Variants in RAD52 observed in about 807,000 individuals in gnomAD.
RAD52 encodes the protein RAD52 DNA repair protein.
RAD52 carries 47 observed loss-of-function variants against 55.5 expected under a neutral mutation model. The observed-to-expected ratio is 0.85, with a 90% CI of 0.67 to 1.08. The LOEUF (loss-of-function observed/expected upper bound fraction) is 1.08, where lower values mean the gene tolerates loss of function less well. RAD52 is among the 50% of genes least tolerant of loss of function. The pLI is 0.00. For synonymous variants in RAD52, 184 were observed against 198.9 expected (o/e 0.92, Z 0.63); for missense variants, 468 against 522.8 (o/e 0.90, Z 1.02).
At chr12:916,605 C>G (rs2154108769) in intron 8 of RAD52, 34 bp downstream of exon 8, 2 of 1,600,554 alleles carry the variant, frequency 1.2e-6, no homozygotes, top group Non-Finnish European at 1.7e-6. Context: ...ACAGGAGGGG[C>G]CGCAGAGGAA....
At chr12:982,398 T>A (rs1959029192) in intron 1 of RAD52, among the ~76,000 whole-genome samples, 2 of 152,228 alleles carry the variant, frequency 1.3e-5, no homozygotes, top group Admixed American at 6.5e-5. Flanking sequence ...TCCCACATTT[T>A]ACTAAAGCAA....
intron 7 of RAD52, among the ~76,000 whole-genome samples, chr12:923,759 AATTT>A (rs1404954796): frequency 6.6e-6 from 1 of 152,064 alleles, no homozygotes; most frequent in Non-Finnish European, 1.5e-5. Flanking sequence ...GTTTTACTAC[AATTT>A]AAAAAAAGAA....
At chr12:981,771 T>TAAAATAAAATAAAATA (rs148282544) in intron 1 of RAD52, among the ~76,000 whole-genome samples, 39 of 139,698 alleles carry the variant, frequency 2.8e-4, no homozygotes, top group Admixed American at 5.8e-4. Context: ...AATAAATAAA[T>TAAAATAAAATAAAATA]AAATAAAATA....
intron 1 of RAD52, among the ~76,000 whole-genome samples, chr12:965,117 G>T (rs1958740846): frequency 6.6e-6 from 1 of 151,716 alleles, no homozygotes; most frequent in Non-Finnish European, 1.5e-5. Context: ...GTAGCTAGGA[G>T]TACAGGTGCG....
At chr12:971,661 T>C (rs1958854670) in intron 1 of RAD52, among the ~76,000 whole-genome samples, 1 of 152,210 alleles carries the variant, frequency 6.6e-6, no homozygotes, top group Non-Finnish European at 1.5e-5. Context: ...TCTATAAAAT[T>C]TGTGAAAAAG....
At chr12:938,115 C>A (rs569959028) in intron 1 of RAD52, among the ~76,000 whole-genome samples, 1 of 152,160 alleles carries the variant, frequency 6.6e-6, no homozygotes, top group African/African-American at 2.4e-5. Flanking sequence ...AAAAGGAGGG[C>A]GGCAAAAGAT....
At chr12:965,834 GCA>G (rs1481462007) in intron 1 of RAD52, among the ~76,000 whole-genome samples, 3 of 151,840 alleles carry the variant, frequency 2.0e-5, no homozygotes, top group Admixed American at 1.3e-4. Flanking sequence ...TTACACATAT[GCA>G]CCACCACACC....
At chr12:943,253 A>G (rs2154118027) in intron 1 of RAD52, among the ~76,000 whole-genome samples, 1 of 152,320 alleles carries the variant, frequency 6.6e-6, no homozygotes, top group South Asian at 2.1e-4. Context: ...CTGTTAATGC[A>G]CACTACTCTT....
chr12:948,150 G>A (rs1203065173), intron 1 of RAD52, among the ~76,000 whole-genome samples: 2 of 151,992 alleles, frequency 1.3e-5, no homozygotes. Context: ...GTTGATACAT[G>A]CTACATACAA....
At chr12:935,579 C>T (rs540092729) in intron 1 of RAD52, among the ~76,000 whole-genome samples, 33 of 151,408 alleles carry the variant, frequency 2.2e-4, no homozygotes, top group African/African-American at 7.5e-4. Flanking sequence ...CAGGGCCGGG[C>T]GTGGTGGCTC....
At chr12:950,331 G>A (rs1958492965), upstream of RAD52, among the ~76,000 whole-genome samples, 1 of 152,146 alleles carries the variant, frequency 6.6e-6, no homozygotes, top group Non-Finnish European at 1.5e-5. Context: ...CACCACTTTG[G>A]GACGCCGAGG....
chr12:946,169 G>C (rs1958218348), intron 1 of RAD52, among the ~76,000 whole-genome samples: 1 of 152,140 alleles, frequency 6.6e-6, no homozygotes, highest in African/African-American at 2.4e-5. Context: ...TCCCCACTCA[G>C]CACATAGTAT....
intron 6 of RAD52, among the ~76,000 whole-genome samples, chr12:926,470 C>T (rs1009926945): frequency 1.3e-5 from 2 of 152,016 alleles, no homozygotes; most frequent in East Asian, 3.8e-4. Context: ...CACCACTGCA[C>T]CCCAGCCTGT....
intron 1 of RAD52, among the ~76,000 whole-genome samples, chr12:977,323 A>C (rs908719293): frequency 2.6e-4 from 39 of 152,288 alleles, no homozygotes; most frequent in Middle Eastern, 3.4e-3. Context: ...TACTGAAGTT[A>C]CGTGCATGCT....
rs1393260212 is a variant in RAD52, at chr12:928,269, T to G, written c.349-1006A>C. On this transcript the variant is annotated intron_variant, in intron 5 of 11. Coordinates refer to ENST00000358495, the MANE Select transcript of RAD52 (RefSeq NM_134424.4). ...GCTCACGCCTGTAATCCCAGCACTT[T>G]TGGAGGCCAAGGCGGGTGGATCACC... 6.6e-5 allele frequency among the ~76,000 whole-genome samples: 10 copies of G among 152,320 alleles called. No individual in the cohort carries two copies. In the East Asian group the frequency reaches 1.5e-3, roughly 24 times the overall value.
At chr12:951,991 C>A (rs899235525), upstream of RAD52, among the ~76,000 whole-genome samples, 1 of 152,076 alleles carries the variant, frequency 6.6e-6, no homozygotes, top group African/African-American at 2.4e-5. Context: ...AGAGACAGCA[C>A]CTCACTCTGC....
chr12:928,144 C>A (rs11571434), intron 5 of RAD52, among the ~76,000 whole-genome samples: 59 of 152,294 alleles, frequency 3.9e-4, no homozygotes, highest in African/African-American at 1.4e-3. Flanking sequence ...CAGCTACTCA[C>A]TCATAGATAC....
chr12:961,169 G>A (rs1958677686), intron 1 of RAD52, among the ~76,000 whole-genome samples: 1 of 151,748 alleles, frequency 6.6e-6, no homozygotes, highest in Admixed American at 6.6e-5. Flanking sequence ...AATTAGCTGG[G>A]CGTGGTGGCA....
intron 2 of RAD52, among the ~76,000 whole-genome samples, chr12:931,955 T>C (rs1392008513): frequency 3.3e-5 from 5 of 152,194 alleles, no homozygotes; most frequent in African/African-American, 1.2e-4. Flanking sequence ...CTCACAACTC[T>C]CTGCTAAAGA....
Sources: allele counts gnomAD v4.1 joint callset (sites outside exome capture counted in the v4.1 genomes callset), GRCh38; gene constraint gnomAD v4.1.1; transcripts MANE v1.5; gene names NCBI Gene and HGNC (gene_info 2026-07-23, HGNC 2026-07-21).